The following TAOK3 variants were observed in gnomAD, a reference collection of about 807,000 sequenced individuals.
TAOK3 encodes the protein serine/threonine-protein kinase TAO3.
TAOK3 carries 40 observed loss-of-function variants against 120.4 expected under a neutral mutation model. The observed-to-expected ratio is 0.33, with a 90% CI of 0.26 to 0.43. TAOK3 has a LOEUF of 0.43. TAOK3 is among the 20% of genes least tolerant of loss of function. The probability of loss-of-function intolerance (pLI) is 1.00; values close to 1 mark genes in which losing one functional copy is unlikely to be tolerated. For synonymous variants in TAOK3, 355 were observed against 387.5 expected (o/e 0.92, Z 0.99); for missense variants, 821 against 1,112.1 (o/e 0.74, Z 3.72).
At chr12:118,213,894 G>A (rs1440003864) in intron 10 of TAOK3, 123 bp downstream of exon 10, 2 of 821,718 alleles carry the variant, frequency 2.4e-6, no homozygotes, top group Admixed American at 5.0e-5. Context: ...AGTGTCACTT[G>A]TAACAACATA....
intron 1 of TAOK3, among the ~76,000 whole-genome samples, chr12:118,294,172 C>T (rs1014560540): frequency 6.6e-6 from 1 of 151,882 alleles, no homozygotes; most frequent in Non-Finnish European, 1.5e-5. Flanking sequence ...AAACTATATC[C>T]ATATAAAATG....
intron 1 of TAOK3, among the ~76,000 whole-genome samples, chr12:118,320,331 C>G (rs911172607): frequency 6.6e-6 from 1 of 151,946 alleles, no homozygotes; most frequent in East Asian, 1.9e-4. Flanking sequence ...TGGCTCTTGC[C>G]TGTAACTCTA....
chr12:118,331,079 A>G (rs552451522), intron 1 of TAOK3, among the ~76,000 whole-genome samples: 3 of 152,242 alleles, frequency 2.0e-5, no homozygotes, highest in Admixed American at 6.5e-5. Context: ...AACAACATAT[A>G]CTACATATGA....
chr12:118,192,585 A>C (rs2139121748), intron 13 of TAOK3, among the ~76,000 whole-genome samples: 1 of 152,374 alleles, frequency 6.6e-6, no homozygotes, highest in South Asian at 2.1e-4. Context: ...TGCATAAAAC[A>C]GGTTCAAAAC....
At chr12:118,245,556 G>A (rs924357177) in intron 3 of TAOK3, among the ~76,000 whole-genome samples, 3 of 152,062 alleles carry the variant, frequency 2.0e-5, no homozygotes, top group African/African-American at 4.8e-5. Context: ...GACCTCACGT[G>A]ATCTGCCCGC....
chr12:118,243,480 G>A lies in TAOK3; in HGVS notation c.229C>T (p.Arg77Ter), dbSNP rs758487052. Residue 77 changes from arginine to a stop codon, truncating the protein, a stop_gained, in exon 5 of 21, where the codon CGA (arginine) becomes TGA (stop). Transcript: ENST00000392533. LOFTEE classifies it high-confidence loss of function. The part of the protein sequence containing the change: ...QDILKEVKFL[R>*]QLKHPNTIEY... ...ATAGTATTAGGATGCTTCAATTGTC[G>A]TAAAAATTTAACTTCCTTAAGAATA... 4.6e-6 allele frequency: 7 copies of A among 1,524,774 alleles called. No individual in the cohort carries two copies. Among genetic ancestry groups the A allele is most frequent in the South Asian group, 2.6e-5 (2 of 77,712 alleles). The allele number at this position is 1,524,774 out of a possible 1,614,324, so 94.5% of individuals were successfully genotyped here. A position where few individuals can be genotyped will look rare whatever the true frequency, so the allele number is the denominator to read the frequency against.
intron 1 of TAOK3, among the ~76,000 whole-genome samples, chr12:118,323,874 A>C (rs898720204): frequency 3.9e-5 from 6 of 152,200 alleles, no homozygotes; most frequent in Non-Finnish European, 7.3e-5. Context: ...ACTACCTGAT[A>C]TATCTGAACA....
chr12:118,199,000 T>C, intron 13 of TAOK3, 51 bp downstream of exon 13: 1 of 1,599,506 alleles, frequency 6.3e-7, no homozygotes, highest in Non-Finnish European at 8.6e-7. Flanking sequence ...TTGAACTGGA[T>C]TCGCTATGAT....
intron 1 of TAOK3, among the ~76,000 whole-genome samples, chr12:118,304,473 TATG>T (rs1425495211): frequency 6.6e-6 from 1 of 152,224 alleles, no homozygotes; most frequent in East Asian, 1.9e-4. Context: ...GACTTCTTCG[TATG>T]ATAACTTGAT....
At chr12:118,255,396 A>G in intron 3 of TAOK3, 52 bp downstream of exon 3, 1 of 1,598,320 alleles carries the variant, frequency 6.3e-7, no homozygotes, top group Admixed American at 1.7e-5. Flanking sequence ...CCAGGCCTAG[A>G]GTCCAACCTT....
intron 1 of TAOK3, among the ~76,000 whole-genome samples, chr12:118,282,477 T>G (rs903799645): frequency 6.6e-6 from 1 of 152,208 alleles, no homozygotes; most frequent in Non-Finnish European, 1.5e-5. Flanking sequence ...TTCATTGAAA[T>G]GTATTGATGA....
At chr12:118,286,216 G>A (rs1307074029) in intron 1 of TAOK3, among the ~76,000 whole-genome samples, 5 of 152,128 alleles carry the variant, frequency 3.3e-5, no homozygotes, top group Admixed American at 2.6e-4. Flanking sequence ...GCTCAAGGAG[G>A]TTAAGTTGCT....
At chr12:118,223,306 G>A (rs1193324098) in intron 9 of TAOK3, among the ~76,000 whole-genome samples, 4 of 150,238 alleles carry the variant, frequency 2.7e-5, no homozygotes, top group African/African-American at 9.8e-5. Context: ...TGATCCGCCC[G>A]CCTCGGCCTC....
At chr12:118,197,618 GA>G (rs376772610) in intron 13 of TAOK3, among the ~76,000 whole-genome samples, 3 of 150,998 alleles carry the variant, frequency 2.0e-5, no homozygotes, top group African/African-American at 7.3e-5. Context: ...TAATAGAAAG[GA>G]AAGTGCCAGA....
At chr12:118,353,094 G>C (rs775744838) in intron 1 of TAOK3, among the ~76,000 whole-genome samples, 1 of 152,068 alleles carries the variant, frequency 6.6e-6, no homozygotes, top group African/African-American at 2.4e-5. Context: ...CTTATGCTAG[G>C]AACTGTGAAA....
At chr12:118,330,096 C>T (rs1056313419) in intron 1 of TAOK3, among the ~76,000 whole-genome samples, 1 of 152,054 alleles carries the variant, frequency 6.6e-6, no homozygotes, top group Non-Finnish European at 1.5e-5. Flanking sequence ...TGACAGAAGT[C>T]CTAAAATCTG....
intron 1 of TAOK3, among the ~76,000 whole-genome samples, chr12:118,340,762 AAAGAT>A (rs930633201): frequency 2.6e-5 from 4 of 151,306 alleles, no homozygotes. Flanking sequence ...TGTATGTCTA[AAAGAT>A]AAGAACCATA....
intron 13 of TAOK3, among the ~76,000 whole-genome samples, chr12:118,195,056 A>C (rs2037642600): frequency 6.6e-6 from 1 of 152,050 alleles, no homozygotes; most frequent in Non-Finnish European, 1.5e-5. Flanking sequence ...CAGTAGAATG[A>C]CTTTTTTAAA....
chr12:118,151,448 G>A (rs548992019), intron 20 of TAOK3, among the ~76,000 whole-genome samples: 96 of 152,264 alleles, frequency 6.3e-4, no homozygotes, highest in Non-Finnish European at 1.0e-3. Flanking sequence ...TGCCGTTCTA[G>A]CAAGCCCAGC....
Sources: gnomAD v4.1 joint callset for allele counts (sites outside exome capture counted in the v4.1 genomes callset) on GRCh38, gnomAD v4.1.1 for gene constraint, MANE v1.5 for transcripts, NCBI Gene and HGNC (gene_info 2026-07-23, HGNC 2026-07-21) for gene names.